STXBP5L: variants seen among roughly 807,000 people sequenced by gnomAD.
STXBP5L encodes the protein syntaxin-binding protein 5-like.
A neutral mutation model predicts 144.5 loss-of-function variants in STXBP5L; 65 were observed. That is an observed-to-expected ratio of 0.45 (90% confidence interval 0.37 to 0.55). The LOEUF is 0.55. STXBP5L is among the 20% of genes least tolerant of loss of function. The probability of loss-of-function intolerance (pLI) is 0.00; values close to 1 mark genes in which losing one functional copy is unlikely to be tolerated. For missense variants in STXBP5L, 1,298 were observed against 1,405.5 expected, an observed-to-expected ratio of 0.92 and a Z score of 1.22; for synonymous variants, 505 against 469.6, an observed-to-expected ratio of 1.08 and a Z score of -0.97.
chr3:121,038,666 A>G (rs1211828398), intron 3 of STXBP5L, among the ~76,000 whole-genome samples: 1 of 151,876 alleles, frequency 6.6e-6, no homozygotes, highest in Non-Finnish European at 1.5e-5. Context: ...ATTTTGTCTT[A>G]TATTAGTTAT....
rs77683168 is a variant in STXBP5L at position 121,132,914 on chromosome 3, G to A, written c.669+11210G>A. Among the ~76,000 whole-genome samples the A allele has an allele frequency of 4.5e-3, 684 of 152,166 alleles. 7 individuals carry two copies. Among genetic ancestry groups the A allele is most frequent in the African/African-American group, 0.015 (640 of 41,530 alleles). ...GAAAGGATCAGTGAACCCAAAGACAGGTAACTAGAAATAATTCAGACAGAA... is the reference window on the plus strand; with the variant it reads ...GAAAGGATCAGTGAACCCAAAGACAAGTAACTAGAAATAATTCAGACAGAA... On this transcript the variant is annotated intron_variant, in intron 7 of 26. Transcript: ENST00000471454.
intron 4 of STXBP5L, 142 bp from the exon 5 acceptor site, chr3:121,045,293 A>G (rs1371610490): frequency 2.9e-6 from 2 of 693,920 alleles, no homozygotes; most frequent in South Asian, 2.6e-5. Context: ...ATTGAAGTTT[A>G]TGCACCTATC....
rs888085989 is a variant in STXBP5L at position 121,122,212 on chromosome 3, A to AT, written c.669+513dup. 3.1e-3 allele frequency among the ~76,000 whole-genome samples: 460 copies of AT among 149,628 alleles called. 3 individuals carry two copies. Among genetic ancestry groups the AT allele is most frequent in the African/African-American group, 0.01 (429 of 41,280 alleles). On this transcript the variant is annotated intron_variant, in intron 7 of 26. Transcript: ENST00000471454. ...ACAGTTGAAAACATGAAAATTAGAT[A>AT]TTTTTAATATTAATTAATTAATATT...
intron 19 of STXBP5L, among the ~76,000 whole-genome samples, chr3:121,316,198 T>C (rs1237120890): frequency 6.6e-6 from 1 of 152,186 alleles, no homozygotes; most frequent in Non-Finnish European, 1.5e-5. Flanking sequence ...TATAAAATTG[T>C]TTAGGGTTTT....
intron 5 of STXBP5L, among the ~76,000 whole-genome samples, chr3:121,113,180 C>A (rs553334200): frequency 6.6e-6 from 1 of 152,202 alleles, no homozygotes; most frequent in South Asian, 2.1e-4. Flanking sequence ...TCTTCTTAAC[C>A]CTGGAAGTGA....
chr3:121,245,272 C>T (rs1385449686), intron 14 of STXBP5L, among the ~76,000 whole-genome samples: 4 of 150,026 alleles, frequency 2.7e-5, no homozygotes, highest in Non-Finnish European at 4.4e-5. Flanking sequence ...TTTATGTAAT[C>T]CTGATGGTAA....
intron 7 of STXBP5L, among the ~76,000 whole-genome samples, chr3:121,125,800 C>T (rs1429442955): frequency 6.6e-6 from 1 of 152,144 alleles, no homozygotes; most frequent in African/African-American, 2.4e-5. Flanking sequence ...TTCAATCTGG[C>T]TTCCATAACA....
chr3:121,119,289 C>G (rs1461021904), intron 6 of STXBP5L, among the ~76,000 whole-genome samples: 2 of 151,358 alleles, frequency 1.3e-5, no homozygotes, highest in Non-Finnish European at 3.0e-5. Context: ...GGGTAATGTG[C>G]TATCCAGGTT....
chr3:121,163,657 A>G (rs1290215820), intron 9 of STXBP5L, among the ~76,000 whole-genome samples: 1 of 152,210 alleles, frequency 6.6e-6, no homozygotes, highest in Non-Finnish European at 1.5e-5. Context: ...AGCAAAGATA[A>G]ACACAGTATG....
At chr3:120,961,337 C>G (rs1285206650) in intron 3 of STXBP5L, among the ~76,000 whole-genome samples, 1 of 150,482 alleles carries the variant, frequency 6.6e-6, no homozygotes, top group Non-Finnish European at 1.5e-5. Context: ...AGGTTTGATA[C>G]ATAGGTATAC....
chr3:121,015,661 TG>T (rs1945092303), intron 3 of STXBP5L, among the ~76,000 whole-genome samples: 1 of 152,174 alleles, frequency 6.6e-6, no homozygotes. Context: ...TTTATGACTC[TG>T]GCAGGGTGCT....
intron 9 of STXBP5L, among the ~76,000 whole-genome samples, chr3:121,189,481 C>A (rs1344664546): frequency 6.6e-6 from 1 of 152,194 alleles, no homozygotes; most frequent in Non-Finnish European, 1.5e-5. Flanking sequence ...AACAGGGAAT[C>A]CTTTCCTCAT....
chr3:121,290,807 CAT>C (rs1465117209), intron 19 of STXBP5L, among the ~76,000 whole-genome samples: 12 of 152,136 alleles, frequency 7.9e-5, no homozygotes, highest in Admixed American at 6.5e-4. Flanking sequence ...ATCGTATGAT[CAT>C]CTCAATAGAT....
chr3:121,078,699 A>C (rs2042129188), intron 5 of STXBP5L, among the ~76,000 whole-genome samples: 1 of 152,190 alleles, frequency 6.6e-6, no homozygotes, highest in African/African-American at 2.4e-5. Flanking sequence ...GCCCTGCCCC[A>C]CAGGGAGGCA....
chr3:121,042,897 A>G (rs1297582674), intron 4 of STXBP5L, among the ~76,000 whole-genome samples: 4 of 151,652 alleles, frequency 2.6e-5, no homozygotes, highest in Non-Finnish European at 5.9e-5. Context: ...ATAACTGCTC[A>G]TTATTATCTA....
chr3:121,368,766 T>A (rs2045940612), intron 20 of STXBP5L, among the ~76,000 whole-genome samples: 1 of 152,166 alleles, frequency 6.6e-6, no homozygotes, highest in Non-Finnish European at 1.5e-5. Context: ...TCTGGATATG[T>A]GTGGTCATTT....
At chr3:121,084,225 C>A (rs1431320313) in intron 5 of STXBP5L, among the ~76,000 whole-genome samples, 2 of 151,928 alleles carry the variant, frequency 1.3e-5, no homozygotes, top group Non-Finnish European at 2.9e-5. Flanking sequence ...ATTTTAAGTT[C>A]TGTGATACAT....
chr3:121,258,898 A>T (rs2050294366), intron 17 of STXBP5L, 145 bp from the exon 18 acceptor site: 1 of 710,308 alleles, frequency 1.4e-6, no homozygotes, highest in Non-Finnish European at 2.0e-6. Flanking sequence ...TATTTTGAGA[A>T]AACTAGAAGG....
chr3:121,007,792 T>C (rs998674952), intron 3 of STXBP5L, among the ~76,000 whole-genome samples: 17 of 152,022 alleles, frequency 1.1e-4, no homozygotes, highest in African/African-American at 3.4e-4. Context: ...GAAATTGTAA[T>C]GGTCAAAAGA....
Sources: allele counts gnomAD v4.1 joint callset (sites outside exome capture counted in the v4.1 genomes callset), GRCh38; gene constraint gnomAD v4.1.1; transcripts MANE v1.5; gene names NCBI Gene and HGNC (gene_info 2026-07-23, HGNC 2026-07-21).